NPSR1: variants seen among roughly 807,000 people sequenced by gnomAD.
NPSR1 encodes neuropeptide S receptor 1.
In NPSR1, 48 loss-of-function variants were observed where a neutral mutation model predicts 46.9. The ratio of observed to expected loss-of-function variants is 1.02; its 90% CI spans 0.81 to 1.30. NPSR1 has a LOEUF of 1.30. NPSR1 is among the 50% of genes most tolerant of loss of function. The pLI is 0.00. For synonymous variants in NPSR1, 176 were observed against 168.1 expected (o/e 1.05, Z -0.36); for missense variants, 450 against 449.5 (o/e 1.00, Z -0.01).
chr7:34,866,886 C>T (rs1396186315), intron 8 of NPSR1, among the ~76,000 whole-genome samples: 1 of 151,634 alleles, frequency 6.6e-6, no homozygotes, highest in Non-Finnish European at 1.5e-5. Flanking sequence ...CATGGGAGGT[C>T]TTCAAGGAAA....
chr7:34,779,092 G>C (rs1047502704), intron 3 of NPSR1, among the ~76,000 whole-genome samples: 12 of 151,820 alleles, frequency 7.9e-5, no homozygotes, highest in Admixed American at 3.3e-4. Context: ...AGACTTTTTA[G>C]TTTTTCTAAG....
intron 2 of NPSR1, among the ~76,000 whole-genome samples, chr7:34,691,778 T>C (rs1793274397): frequency 6.6e-6 from 1 of 152,006 alleles, no homozygotes; most frequent in African/African-American, 2.4e-5. Flanking sequence ...AATACTCCAC[T>C]GACATCAGTA....
chr7:34,666,384 T>C (rs1370653632), intron 1 of NPSR1, among the ~76,000 whole-genome samples: 3 of 152,202 alleles, frequency 2.0e-5, no homozygotes, highest in African/African-American at 7.2e-5. Context: ...TCCCTTGCAG[T>C]TAAAGGTAGC....
intron 3 of NPSR1, among the ~76,000 whole-genome samples, chr7:34,792,665 T>TATATATATGTATATATATATG (rs1562733079): frequency 7.5e-4 from 59 of 78,782 alleles, no homozygotes; most frequent in African/African-American, 2.4e-3. Flanking sequence ...ATATATATAT[T>TATATATATGTATATATATATG]TATATATATG....
intron 6 of NPSR1, among the ~76,000 whole-genome samples, chr7:34,840,062 A>C (rs544244412): frequency 3.9e-5 from 6 of 152,136 alleles, no homozygotes; most frequent in Admixed American, 1.3e-4. Flanking sequence ...GCTGAGGTAT[A>C]GAAAGGGCTA....
chr7:34,668,557 C>A (rs765379691), intron 1 of NPSR1, among the ~76,000 whole-genome samples: 10 of 152,114 alleles, frequency 6.6e-5, no homozygotes, highest in Non-Finnish European at 1.0e-4. Context: ...GTTAAGCAAG[C>A]TTATGCTGAG....
chr7:34,836,090 C>T (rs1790354424), intron 6 of NPSR1, among the ~76,000 whole-genome samples: 1 of 152,104 alleles, frequency 6.6e-6, no homozygotes, highest in Non-Finnish European at 1.5e-5. Flanking sequence ...CCACGAAGAC[C>T]CAGTCATTCA....
At chr7:34,823,015 A>G (rs1403985891) in intron 4 of NPSR1, among the ~76,000 whole-genome samples, 1 of 152,246 alleles carries the variant, frequency 6.6e-6, no homozygotes, top group African/African-American at 2.4e-5. Context: ...TATCCTTTTT[A>G]TAAAGAAGTC....
intron 5 of NPSR1, among the ~76,000 whole-genome samples, chr7:34,830,457 A>G (rs1790065527): frequency 6.6e-6 from 1 of 152,150 alleles, no homozygotes; most frequent in African/African-American, 2.4e-5. Flanking sequence ...TTTTTTTTAA[A>G]GTACTTATTA....
At chr7:34,698,114 A>G (rs1053781548) in intron 2 of NPSR1, among the ~76,000 whole-genome samples, 1 of 152,170 alleles carries the variant, frequency 6.6e-6, no homozygotes, top group Non-Finnish European at 1.5e-5. Flanking sequence ...TCAAAAGTTT[A>G]TAAATTTGCT....
At chr7:34,840,114 T>G (rs2128762116) in intron 6 of NPSR1, among the ~76,000 whole-genome samples, 1 of 152,152 alleles carries the variant, frequency 6.6e-6, no homozygotes. Context: ...TAGCTACAAT[T>G]TACAGTTGGC....
At chr7:34,790,861 T>TATATATGTTATATGTTATATGATATATC (rs1787752000) in intron 3 of NPSR1, among the ~76,000 whole-genome samples, 1 of 115,816 alleles carries the variant, frequency 8.6e-6, no homozygotes, top group Non-Finnish European at 1.7e-5. Flanking sequence ...TATGTTATGT[T>TATATATGTTATATGTTATATGATATATC]ATATATGTTA....
intron 2 of NPSR1, among the ~76,000 whole-genome samples, chr7:34,748,880 C>CCG (rs368430873): frequency 1.3e-5 from 2 of 151,992 alleles, no homozygotes; most frequent in Non-Finnish European, 2.9e-5. Flanking sequence ...CATCTTCCCC[C>CCG]CAGTACCTGA....
chr7:34,851,655 T>C (rs1291442192), downstream of NPSR1, among the ~76,000 whole-genome samples: 2 of 152,212 alleles, frequency 1.3e-5, no homozygotes, highest in African/African-American at 4.8e-5. Flanking sequence ...ATGTCCTACA[T>C]GGCAAAACAG....
intron 4 of NPSR1, among the ~76,000 whole-genome samples, chr7:34,821,392 C>T (rs1789555345): frequency 6.6e-6 from 1 of 152,054 alleles, no homozygotes; most frequent in Non-Finnish European, 1.5e-5. Flanking sequence ...TTCCAAAGTG[C>T]TGGGATTATA....
intron 2 of NPSR1, among the ~76,000 whole-genome samples, chr7:34,691,654 CAAG>C (rs1415832030): frequency 6.6e-6 from 1 of 151,994 alleles, no homozygotes; most frequent in Non-Finnish European, 1.5e-5. Context: ...GTTCAAACGA[CAAG>C]AAGATTGAAC....
intron 2 of NPSR1, among the ~76,000 whole-genome samples, chr7:34,766,513 G>A (rs1478211761): frequency 3.3e-5 from 5 of 151,606 alleles, no homozygotes; most frequent in African/African-American, 1.2e-4. Flanking sequence ...AAAACTATTC[G>A]GCAATAAGAA....
chr7:34,866,926 A>G (rs1345789441), intron 8 of NPSR1, among the ~76,000 whole-genome samples: 1 of 151,744 alleles, frequency 6.6e-6, no homozygotes. Flanking sequence ...TAATAATAAT[A>G]AAAGATAAAA....
intron 3 of NPSR1, among the ~76,000 whole-genome samples, chr7:34,805,838 C>G (rs963997301): frequency 1.2e-4 from 18 of 151,804 alleles, no homozygotes; most frequent in Admixed American, 1.1e-3. Flanking sequence ...TAAAACTCAA[C>G]AATAAGAAAA....
Sources: gnomAD v4.1 joint callset for allele counts (sites outside exome capture counted in the v4.1 genomes callset) on GRCh38, gnomAD v4.1.1 for gene constraint, MANE v1.5 for transcripts, NCBI Gene and HGNC (gene_info 2026-07-23, HGNC 2026-07-21) for gene names.